TBC1D1: variants seen among roughly 807,000 people sequenced by gnomAD.
TBC1D1 encodes the protein TBC1 (tre-2/USP6, BUB2, cdc16) domain family, member 1.
A neutral mutation model predicts 125.6 loss-of-function variants in TBC1D1; 89 were observed. The ratio of observed to expected loss-of-function variants is 0.71; its 90% CI spans 0.60 to 0.85. The LOEUF (loss-of-function observed/expected upper bound fraction) is 0.85. Among genes scored for constraint, TBC1D1 ranks in the 40% least tolerant of loss-of-function variants. The pLI is 0.00. For synonymous variants in TBC1D1, 565 were observed against 564.1 expected (o/e 1.00, Z -0.02); for missense variants, 1,377 against 1,469.2 (o/e 0.94, Z 1.03).
chr4:38,020,546 C>T (rs112006400), intron 4 of TBC1D1, 45 bp from the exon 5 acceptor site: 28,449 of 1,477,486 alleles, frequency 0.019, 471 homozygotes, highest in Middle Eastern at 0.055. Context: ...GAGGATGGTG[C>T]GTCTTCTGGA....
intron 11 of TBC1D1, chr4:38,051,970 G>T (rs781243971): frequency 1.3e-6 from 2 of 1,550,718 alleles, no homozygotes. Flanking sequence ...CCTCCACCTC[G>T]TCTTAACCCC....
chr4:38,128,584 T>C (rs1765045811), intron 18 of TBC1D1, among the ~76,000 whole-genome samples: 1 of 152,126 alleles, frequency 6.6e-6, no homozygotes, highest in Non-Finnish European at 1.5e-5. Context: ...TTAAATGCCT[T>C]CCCTGTATAG....
intron 12 of TBC1D1, chr4:38,060,785 A>G: frequency 2.0e-6 from 1 of 496,360 alleles, no homozygotes; most frequent in South Asian, 2.1e-5. Flanking sequence ...AGTCTTCTGG[A>G]AATCTTGTTA....
intron 11 of TBC1D1, chr4:38,051,999 T>A: frequency 6.4e-7 from 1 of 1,550,992 alleles, no homozygotes; most frequent in Non-Finnish European, 8.7e-7. Flanking sequence ...CTCGCCAAAC[T>A]TTTTTAAGTA....
At chr4:37,937,891 C>T (rs1724714080) in intron 2 of TBC1D1, among the ~76,000 whole-genome samples, 1 of 152,096 alleles carries the variant, frequency 6.6e-6, no homozygotes, top group Non-Finnish European at 1.5e-5. Flanking sequence ...TTGTGTGTTG[C>T]ATTAAATATT....
chr4:37,994,210 G>A (rs899702125), intron 2 of TBC1D1, among the ~76,000 whole-genome samples: 4 of 152,212 alleles, frequency 2.6e-5, no homozygotes. Context: ...GACTCCTCAA[G>A]AAGTCTGTAC....
chr4:38,118,437 T>TC (rs1268105873), intron 17 of TBC1D1: 1 of 502,512 alleles, frequency 2.0e-6, no homozygotes, highest in Non-Finnish European at 3.6e-6. Flanking sequence ...TCCGTGTAGA[T>TC]CCGATCGCTC....
At position 38,138,137 on chromosome 4, in the gene TBC1D1, A is replaced by G. The variant is rs1000821806; in HGVS notation, c.*802A>G. ...ATTTAAGGAAGTTTGTCTTTAAAAAAAAAATAGAGTGTTTTCATACATTTT... is the reference window on the plus strand; with the variant it reads ...ATTTAAGGAAGTTTGTCTTTAAAAAGAAAATAGAGTGTTTTCATACATTTT... On this transcript the variant is annotated 3_prime_UTR_variant, in exon 20 of 20. Transcript: ENST00000261439. 1 of 152,184 alleles carries G rather than the reference A, an allele frequency of 6.6e-6. No homozygotes were observed. Among genetic ancestry groups the G allele is most frequent in the Non-Finnish European group, 1.5e-5 (1 of 68,030 alleles). The allele number at this position is 152,184 out of a possible 1,614,324, so 9.4% of individuals were successfully genotyped here. A position where few individuals can be genotyped will look rare whatever the true frequency, so the allele number is the denominator to read the frequency against.
intron 15 of TBC1D1, among the ~76,000 whole-genome samples, chr4:38,114,820 AAAG>A (rs1005759209): frequency 5.9e-5 from 9 of 152,118 alleles, no homozygotes; most frequent in African/African-American, 1.9e-4. Context: ...ACTTTTGTGA[AAAG>A]AAAACACCTG....
intron 2 of TBC1D1, among the ~76,000 whole-genome samples, chr4:37,938,962 T>G (rs956197468): frequency 4.6e-5 from 7 of 152,216 alleles, no homozygotes; most frequent in Admixed American, 3.9e-4. Flanking sequence ...TCTTTGCTAT[T>G]GTGAATAGTG....
At chr4:38,044,543 T>C (rs1749039079) in intron 9 of TBC1D1, 53 bp downstream of exon 9, 1 of 1,541,346 alleles carries the variant, frequency 6.5e-7, no homozygotes, top group East Asian at 2.3e-5. Context: ...TAGGAGAGTG[T>C]AAGATTGAGT....
At chr4:38,018,244 A>G (rs1743243521) in intron 3 of TBC1D1, 110 bp from the exon 4 acceptor site, 1 of 813,122 alleles carries the variant, frequency 1.2e-6, no homozygotes, top group Non-Finnish European at 2.0e-6. Context: ...AATGATTTCT[A>G]CGATGATAGA....
intron 10 of TBC1D1, among the ~76,000 whole-genome samples, chr4:38,049,354 C>T (rs773766278): frequency 8.5e-5 from 13 of 152,170 alleles, no homozygotes; most frequent in Non-Finnish European, 1.6e-4. Flanking sequence ...TTGTTCAGAA[C>T]GTTACAGATT....
intron 2 of TBC1D1, among the ~76,000 whole-genome samples, chr4:38,006,581 C>T (rs11722410): frequency 0.25 from 37,457 of 149,124 alleles, 4,829 homozygotes; most frequent in Admixed American, 0.31. Flanking sequence ...CGGGTTCAAG[C>T]GATGCTCCTG....
At chr4:38,119,004 C>G (rs1763428307) in intron 17 of TBC1D1, among the ~76,000 whole-genome samples, 1 of 152,208 alleles carries the variant, frequency 6.6e-6, no homozygotes, top group East Asian at 1.9e-4. Flanking sequence ...GTTTGTTTTC[C>G]CTACTGCAGA....
intron 2 of TBC1D1, among the ~76,000 whole-genome samples, chr4:37,939,795 C>T (rs961781244): frequency 6.6e-6 from 1 of 152,160 alleles, no homozygotes; most frequent in African/African-American, 2.4e-5. Context: ...TTCCCCATTG[C>T]TTGTTTTTGT....
rs1038846459 is a variant in TBC1D1, at chr4:38,139,152, CAAG to C, written c.*1820_*1822del. 4.0e-5 allele frequency: 6 copies of C among 150,644 alleles called. No individual in the cohort carries two copies. The highest frequency in any genetic ancestry group is 4.2e-4 in the South Asian group (2 of 4,784). The allele number at this position is 150,644 out of a possible 1,614,324, so 9.3% of individuals were successfully genotyped here. ...AGAAAGAAACAAGAAAGCAATAAAA[CAAG>C]AAATAATTCATGCTCACATTTTTAT... On this transcript the variant is annotated 3_prime_UTR_variant, in exon 20 of 20. Coordinates refer to ENST00000261439, the MANE Select transcript of TBC1D1 (RefSeq NM_015173.4).
intron 11 of TBC1D1, among the ~76,000 whole-genome samples, chr4:38,052,728 G>GCGCGCACACACA (rs1491148206): frequency 8.5e-5 from 10 of 118,340 alleles, no homozygotes; most frequent in African/African-American, 2.8e-4. Flanking sequence ...GCGCGCGCGC[G>GCGCGCACACACA]CACACACACA....
chr4:38,137,002 A>G, intron 19 of TBC1D1, 133 bp from the exon 22 acceptor site: 1 of 1,452,892 alleles, frequency 6.9e-7, no homozygotes, highest in Non-Finnish European at 9.4e-7. Flanking sequence ...GCCAGAACTG[A>G]TGATAAACTG....
Sources: allele counts gnomAD v4.1 joint callset (sites outside exome capture counted in the v4.1 genomes callset), GRCh38; gene constraint gnomAD v4.1.1; transcripts MANE v1.5; gene names NCBI Gene and HGNC (gene_info 2026-07-23, HGNC 2026-07-21).